Variants in TRIM46 observed in about 807,000 individuals in gnomAD.
TRIM46 encodes the protein tripartite motif-containing protein 46.
TRIM46 carries 17 observed loss-of-function variants against 69.7 expected under a neutral mutation model. The ratio of observed to expected loss-of-function variants is 0.24; its 90% CI spans 0.17 to 0.37. The LOEUF (loss-of-function observed/expected upper bound fraction) is 0.37, where lower values mean the gene tolerates loss of function less well. Ranked by LOEUF, TRIM46 falls within the 10% of genes least tolerant of loss-of-function variation. TRIM46 has a pLI of 1.00. For synonymous variants in TRIM46, 391 were observed against 429.0 expected (o/e 0.91, Z 1.09); for missense variants, 675 against 1,025.1 (o/e 0.66, Z 4.66).
At position 155,184,058 on chromosome 1, in the gene TRIM46, C is replaced by T; in HGVS notation, c.2148C>T (p.Cys716=). ...TTTCCTTCCGTGGGCTCTTGGAGTG[C>T]CCCCTGGACTGCTCAGGGCCTGTGT... ...DAVSFRGLLE[C]PLDCSGPVCP... is the part of the protein sequence containing the mutation. Residue 716 remains cysteine, a synonymous_variant, in exon 10 of 10, where the codon TGC becomes TGT. Transcript: ENST00000334634. The surrounding 1 kb of genome is among the most constrained non-coding windows in gnomAD (Gnocchi z 5.6). The T allele has an allele frequency of 6.2e-7, 1 of 1,614,132 alleles. No individual in the cohort carries two copies. Among genetic ancestry groups the T allele is most frequent in the Non-Finnish European group, 8.5e-7 (1 of 1,180,048 alleles).
At chr1:155,176,897 T>C (rs772686015) in intron 3 of TRIM46, 35 bp from the exon 4 acceptor site, 1 of 1,605,354 alleles carries the variant, frequency 6.2e-7, no homozygotes, top group South Asian at 1.1e-5. Flanking sequence ...ACCCACACCA[T>C]TGTCTGACCA....
intron 5 of TRIM46, among the ~76,000 whole-genome samples, chr1:155,177,560 C>T (rs1239709046): frequency 6.6e-6 from 1 of 152,180 alleles, no homozygotes; most frequent in African/African-American, 2.4e-5. Context: ...CTCAGATGCT[C>T]TCAGGCTCAG....
chr1:155,174,571 C>G (rs753926887), intron 1 of TRIM46: 7 of 1,514,426 alleles, frequency 4.6e-6, no homozygotes, highest in African/African-American at 2.8e-5. Flanking sequence ...CTTCCTCCCC[C>G]CCTCCTTGTT....
chr1:155,177,871 G>A, intron 5 of TRIM46, 131 bp from the exon 6 acceptor site: 1 of 1,328,048 alleles, frequency 7.5e-7, no homozygotes, highest in Non-Finnish European at 1.0e-6. Context: ...CTGTAGGAAT[G>A]GGTGAGTAGG....
In TRIM46 at chr1:155,178,016, G is replaced by A; in HGVS notation, c.924G>A (p.Gln308=). The change falls in exon 6 of 10, where the codon CAG becomes CAA. Residue 308 remains glutamine, a synonymous_variant. Coordinates refer to ENST00000334634, the MANE Select transcript of TRIM46 (RefSeq NM_025058.5). The stretch of plus-strand genomic sequence containing the variant: ...TCCCTGGGCAGGTGAGTGGTCAGCA[G>A]GCCAAGGAGGAGGTGTCGCAGCTGG... ...AVRHTEVSGQ[Q]AKEEVSQLVR... is the part of the protein sequence containing the mutation. 6.2e-7 allele frequency: 1 copy of A among 1,613,182 alleles called. No homozygotes were observed. The highest frequency in any genetic ancestry group is 1.1e-5 in the South Asian group (1 of 91,026).
At chr1:155,174,849 G>A in intron 1 of TRIM46, 6 of 1,415,754 alleles carry the variant, frequency 4.2e-6, no homozygotes, top group South Asian at 1.5e-5. Context: ...TAAGACCGAT[G>A]GGGAAGTGAA....
chr1:155,183,112 G>A (rs774360963), intron 9 of TRIM46, among the ~76,000 whole-genome samples: 6 of 151,790 alleles, frequency 4.0e-5, no homozygotes, highest in South Asian at 2.1e-4. Context: ...GGCTTTCACC[G>A]TGTTAGCCAG....
rs1249961185 is a variant in TRIM46, at chr1:155,182,110, A to G, written c.1847A>G (p.Gln616Arg). ...KVGVGLESKLQESFQGAPDVI... is the reference protein window; with the variant it reads ...KVGVGLESKLRESFQGAPDVI... ...GGCGTCGGGCTGGAGAGCAAGCTTCAAGAAAGTTTCCAGGGTGCCCCCGAT... is the reference window on the plus strand; with the variant it reads ...GGCGTCGGGCTGGAGAGCAAGCTTCGAGAAAGTTTCCAGGGTGCCCCCGAT... The change falls in exon 9 of 10, where the codon CAA becomes CGA. Residue 616 changes from glutamine to arginine, a missense_variant. Gln to Arg is a conservative substitution (Grantham distance 43, BLOSUM62 1). Around this residue, in one of 5 missense-constraint regions of TRIM46, gnomAD observed 35 missense variants for 99.3 expected, o/e 0.35. Coordinates refer to ENST00000334634, the MANE Select transcript of TRIM46 (RefSeq NM_025058.5). 1 of 1,614,034 alleles carries G rather than the reference A, an allele frequency of 6.2e-7. No individual in the cohort carries two copies. The highest frequency in any genetic ancestry group is 8.5e-7 in the Non-Finnish European group (1 of 1,180,032).
chr1:155,176,722 G>A (rs965897844), intron 3 of TRIM46, among the ~76,000 whole-genome samples: 1 of 152,220 alleles, frequency 6.6e-6, no homozygotes, highest in African/African-American at 2.4e-5. Flanking sequence ...GAAGGGAGGT[G>A]CAATGCTGGT....
In TRIM46 at chr1:155,179,852, T is replaced by C. The variant is rs1666003811; in HGVS notation, c.1506T>C (p.Tyr502=). 6.2e-7 allele frequency: 1 copy of C among 1,611,728 alleles called. No individual in the cohort carries two copies. Among genetic ancestry groups the C allele is most frequent in the African/African-American group, 1.3e-5 (1 of 74,900 alleles). Residue 502 remains tyrosine, a synonymous_variant, in exon 8 of 10, where the codon TAT becomes TAC. Transcript: ENST00000334634. ...LLENPDTGSV[Y]VLRVRGCNKA... ...AGAACCCCGACACGGGCTCTGTGTA[T>C]GTGCTGCGTGTCCGCGGCTGCAACA...
chr1:155,184,474 G>A lies in TRIM46; in HGVS notation c.*284G>A. 7.3e-6 allele frequency: 3 copies of A among 413,118 alleles called. No individual in the cohort carries two copies. Among genetic ancestry groups the A allele is most frequent in the Non-Finnish European group, 1.3e-5 (3 of 228,908 alleles). 25.6% of individuals were successfully genotyped at this position (413,118 alleles called of 1,614,324 possible). The stretch of plus-strand genomic sequence containing the variant: ...GCCTTTGGCATGTTACCCAAGCCAT[G>A]GAGAGAGCCCCTTCTCCATCCCTGT... On this transcript the variant is annotated 3_prime_UTR_variant, in exon 10 of 10. Coordinates refer to ENST00000334634, the MANE Select transcript of TRIM46 (RefSeq NM_025058.5). The surrounding 1 kb of genome is among the most constrained non-coding windows in gnomAD (Gnocchi z 5.6).
chr1:155,178,739 T>TTGGCCCCCCCCCCCCCCCCCCCCCCC, intron 7 of TRIM46, 126 bp downstream of exon 7: 8 of 1,348,470 alleles, frequency 5.9e-6, no homozygotes, highest in Non-Finnish European at 8.2e-6. Context: ...CAGCCATTCC[T>TTGGCCCCCCCCCCCCCCCCCCCCCCC]CCCACCCAGC....
intron 7 of TRIM46, 114 bp downstream of exon 7, chr1:155,178,727 G>A (rs1336871151): frequency 6.5e-7 from 1 of 1,528,530 alleles, no homozygotes; most frequent in East Asian, 2.4e-5. Context: ...GCCCGGCCTG[G>A]CCAGCCATTC....
Position 155,175,949 on chromosome 1 carries a change from G to A in TRIM46, c.387G>A (p.Pro129=), listed in dbSNP as rs369469321. ...TGCACCCCCAAGTGATCATGTTCCCGTGCCCAGCCTGCCAAGGTGATGTGG... is the reference window on the plus strand; with the variant it reads ...TGCACCCCCAAGTGATCATGTTCCCATGCCCAGCCTGCCAAGGTGATGTGG... ...GALHPQVIMF[P]CPACQGDVEL... is the part of the protein sequence containing the mutation. Residue 129 remains proline, a synonymous_variant, in exon 3 of 10, where the codon CCG becomes CCA. Coordinates refer to ENST00000334634, the MANE Select transcript of TRIM46 (RefSeq NM_025058.5). This position sits in a 1 kb window ranked among gnomAD's most constrained non-coding sequence, Gnocchi z 4.2. 51 of 1,607,660 alleles carry A rather than the reference G, an allele frequency of 3.2e-5. No individual in the cohort carries two copies. In the African/African-American group the frequency reaches 4.0e-4, roughly 13 times the overall value.
intron 9 of TRIM46, 137 bp from the exon 10 acceptor site, chr1:155,183,660 C>T (rs894191889): frequency 6.2e-6 from 7 of 1,134,564 alleles, no homozygotes; most frequent in South Asian, 1.5e-5. Flanking sequence ...GCCTCTTCAG[C>T]GTTTTCTTCT....
At position 155,175,366 on chromosome 1, in the gene TRIM46, G is replaced by T. The variant is rs750571304; in HGVS notation, c.64-20G>T. On this transcript the variant is annotated intron_variant, in intron 1 of 9. Coordinates refer to ENST00000334634, the MANE Select transcript of TRIM46 (RefSeq NM_025058.5). This position sits in a 1 kb window ranked among gnomAD's most constrained non-coding sequence, Gnocchi z 4.2. Reference sequence around the variant, plus strand: ...GCCTAAGTGTCCAAGCGCTGACCTAGCCTCCTGGTCCCTCCACAGACCAGC... The same window carrying T: ...GCCTAAGTGTCCAAGCGCTGACCTATCCTCCTGGTCCCTCCACAGACCAGC... 1.3e-5 allele frequency: 21 copies of T among 1,612,558 alleles called. No homozygotes were observed. The highest frequency in any genetic ancestry group is 1.4e-5 in the Non-Finnish European group (17 of 1,179,448).
At chr1:155,177,978 C>T in intron 5 of TRIM46, 24 bp from the exon 6 acceptor site, 1 of 1,608,834 alleles carries the variant, frequency 6.2e-7, no homozygotes, top group Non-Finnish European at 8.5e-7. Flanking sequence ...GTCACGCATC[C>T]TTTGGGTGTT....
chr1:155,183,127 G>A (rs549912947), intron 9 of TRIM46, among the ~76,000 whole-genome samples: 42 of 151,764 alleles, frequency 2.8e-4, no homozygotes, highest in African/African-American at 7.0e-4. Flanking sequence ...AGCCAGGATG[G>A]TCTCAATCTC....
chr1:155,178,739 T>TGGCCCCCCCCCCCCCCCCCCCCC, intron 7 of TRIM46, 126 bp downstream of exon 7: 2 of 1,348,474 alleles, frequency 1.5e-6, no homozygotes, highest in Non-Finnish European at 2.0e-6. Context: ...CAGCCATTCC[T>TGGCCCCCCCCCCCCCCCCCCCCC]CCCACCCAGC....
Sources: allele counts gnomAD v4.1 joint callset (sites outside exome capture counted in the v4.1 genomes callset), GRCh38; gene constraint gnomAD v4.1.1; regional missense constraint gnomAD v4.1.1; non-coding constraint Gnocchi (gnomAD v3.1); transcripts MANE v1.5; gene names NCBI Gene and HGNC (gene_info 2026-07-23, HGNC 2026-07-21).